The following RYR2 variants were observed in gnomAD, a reference collection of about 807,000 sequenced individuals.
RYR2 encodes cardiac muscle ryanodine receptor-calcium release channel.
A neutral mutation model predicts 601.1 loss-of-function variants in RYR2; 227 were observed. The observed-to-expected ratio is 0.38, with a 90% CI of 0.34 to 0.42. RYR2 has a LOEUF of 0.42. Ranked by LOEUF, RYR2 falls within the 10% of genes least tolerant of loss-of-function variation. The pLI is 1.00. For missense variants in RYR2, 4,646 were observed against 6,156.5 expected (o/e 0.75, Z 8.21); for synonymous variants, 2,223 against 2,175.1 (o/e 1.02, Z -0.61).
chr1:237,407,973 G>T (rs1305602759), intron 10 of RYR2, among the ~76,000 whole-genome samples: 6 of 152,030 alleles, frequency 3.9e-5, no homozygotes, highest in Non-Finnish European at 8.8e-5. Context: ...TCCTTTCCCA[G>T]ATATGCGATT....
intron 6 of RYR2, among the ~76,000 whole-genome samples, chr1:237,371,646 A>G (rs1700649081): frequency 6.6e-6 from 1 of 152,240 alleles, no homozygotes. Flanking sequence ...GCAGAAGACT[A>G]CGTATCAATA....
intron 98 of RYR2, among the ~76,000 whole-genome samples, chr1:237,803,577 A>G (rs12136903): frequency 0.046 from 7,003 of 152,046 alleles, 214 homozygotes; most frequent in Non-Finnish European, 0.063. Flanking sequence ...TGGGATTACA[A>G]GCGTGAGCCA....
At chr1:237,105,986 G>A (rs547577639) in intron 1 of RYR2, among the ~76,000 whole-genome samples, 21 of 152,222 alleles carry the variant, frequency 1.4e-4, no homozygotes, top group African/African-American at 4.3e-4. Flanking sequence ...CAGCACCAAC[G>A]TGGGAGTGTG....
chr1:237,618,364 C>T lies in RYR2; in HGVS notation c.5916+878C>T, dbSNP rs76380019. Among the ~76,000 whole-genome samples the T allele has an allele frequency of 9.1e-3, 1,391 of 152,146 alleles. 29 individuals are homozygous for T. The highest frequency in any genetic ancestry group is 0.062 in the East Asian group (318 of 5,166). On this transcript the variant is annotated intron_variant, in intron 38 of 104. Transcript: ENST00000366574. ...AAAGATGGAGTACATGTGCTTTTCC[C>T]GATTCTTCCTTTTAAGTACAACTAA...
At position 237,054,361 on chromosome 1, in the gene RYR2, A is replaced by T. The variant is rs576494642; in HGVS notation, c.48+11792A>T. Reference sequence around the variant, plus strand: ...CCCCTCCCTCCATCTGTCAGGAAAAATGGTAAAAGACTGTAAATTGGATTA... The same window carrying T: ...CCCCTCCCTCCATCTGTCAGGAAAATTGGTAAAAGACTGTAAATTGGATTA... On this transcript the variant is annotated intron_variant, in intron 1 of 104. Transcript: ENST00000366574. 2.5e-3 allele frequency among the ~76,000 whole-genome samples: 364 copies of T among 143,634 alleles called. 2 individuals carry two copies. The highest frequency in any genetic ancestry group is 9.1e-3 in the African/African-American group (354 of 38,904). The allele number at this position is 143,634 out of a possible 152,430, so 94.2% of individuals were successfully genotyped here.
In RYR2 at chr1:237,270,529, C is replaced by G. The variant is rs919652347; in HGVS notation, c.81C>G (p.Thr27=). ...DDEVVLQCTA[T]IHKEQQKLCL... is the part of the protein sequence containing the mutation. ...AAGTGGTTCTGCAGTGCACCGCAAC[C>G]ATCCACAAAGAACAACAGAAGCTAT... The change falls in exon 2 of 105, where the codon ACC becomes ACG. Residue 27 remains threonine, a synonymous_variant. Transcript: ENST00000366574. The G allele has an allele frequency of 6.9e-6, 11 of 1,594,752 alleles. No homozygotes were observed. The highest frequency in any genetic ancestry group is 6.8e-6 in the Non-Finnish European group (8 of 1,170,092).
chr1:237,492,843 GGA>G, intron 18 of RYR2, 109 bp from the exon 19 acceptor site: 2 of 1,070,198 alleles, frequency 1.9e-6, no homozygotes, highest in Non-Finnish European at 2.6e-6. Context: ...AAGGAAGGAA[GGA>G]AGGAAGGAAG....
At chr1:237,723,925 C>T (rs1442187502) in intron 74 of RYR2, among the ~76,000 whole-genome samples, 1 of 151,808 alleles carries the variant, frequency 6.6e-6, no homozygotes, top group Non-Finnish European at 1.5e-5. Flanking sequence ...ATGGGAGGGT[C>T]ATATTTTTAC....
At chr1:237,442,273 G>T (rs1707978733) in intron 13 of RYR2, among the ~76,000 whole-genome samples, 1 of 152,106 alleles carries the variant, frequency 6.6e-6, no homozygotes, top group Admixed American at 6.6e-5. Context: ...TTTGGTCATG[G>T]TTCTTCTACT....
intron 12 of RYR2, among the ~76,000 whole-genome samples, chr1:237,424,389 G>GA (rs1444958337): frequency 1.1e-3 from 171 of 152,080 alleles, no homozygotes; most frequent in African/African-American, 4.0e-3. Context: ...TCATTGAAAA[G>GA]AAAAAAACGT....
chr1:237,175,235 T>A (rs1677890389), intron 1 of RYR2, among the ~76,000 whole-genome samples: 1 of 152,220 alleles, frequency 6.6e-6, no homozygotes, highest in Admixed American at 6.5e-5. Flanking sequence ...AGTGTCCCCT[T>A]AGGGCACCTT....
At chr1:237,441,565 C>T (rs2150147947) in intron 13 of RYR2, 82 bp downstream of exon 13, 2 of 1,311,348 alleles carry the variant, frequency 1.5e-6, no homozygotes, top group South Asian at 2.0e-5. Flanking sequence ...ATTGGCTGAT[C>T]TTTTTAGTCA....
intron 22 of RYR2, among the ~76,000 whole-genome samples, chr1:237,505,768 A>G (rs1182139743): frequency 1.3e-5 from 2 of 152,218 alleles, no homozygotes; most frequent in East Asian, 1.9e-4. Flanking sequence ...TGCCCACTCT[A>G]TGTGTTGCGA....
chr1:237,792,995 T>A (rs1033107057), intron 94 of RYR2, among the ~76,000 whole-genome samples: 1 of 152,184 alleles, frequency 6.6e-6, no homozygotes, highest in Non-Finnish European at 1.5e-5. Context: ...ACAATATAAT[T>A]TGGTGAATAG....
chr1:237,825,525 T>C (rs1160583840), intron 101 of RYR2, among the ~76,000 whole-genome samples: 3 of 152,120 alleles, frequency 2.0e-5, no homozygotes. Context: ...CAAGATCGAT[T>C]AAAGACTTAA....
intron 60 of RYR2, among the ~76,000 whole-genome samples, chr1:237,676,098 G>A (rs1685372235): frequency 6.6e-6 from 1 of 152,056 alleles, no homozygotes; most frequent in Non-Finnish European, 1.5e-5. Flanking sequence ...TACACACAAA[G>A]CTAAATATTG....
intron 94 of RYR2, 59 bp downstream of exon 94, chr1:237,792,382 C>CAT (rs1658525773): frequency 4.5e-6 from 3 of 667,040 alleles, no homozygotes; most frequent in South Asian, 2.4e-5. Context: ...TGTGTGTGTG[C>CAT]GTGTGTGTGT....
chr1:237,267,640 C>A (rs1572414310), intron 1 of RYR2: 2 of 286,280 alleles, frequency 7.0e-6, no homozygotes, highest in Admixed American at 4.2e-5. Context: ...TCAAGTGTGG[C>A]TCATATTGAG....
intron 1 of RYR2, among the ~76,000 whole-genome samples, chr1:237,061,276 CATCTATCTATCT>C (rs55852744): frequency 0.052 from 5,093 of 97,982 alleles, 230 homozygotes; most frequent in Middle Eastern, 0.096. Flanking sequence ...ATCCATCTAT[CATCTATCTATCT>C]ATCTATCTAT....
Sources: gnomAD v4.1 joint callset for allele counts (sites outside exome capture counted in the v4.1 genomes callset) on GRCh38, gnomAD v4.1.1 for gene constraint, MANE v1.5 for transcripts, NCBI Gene and HGNC (gene_info 2026-07-23, HGNC 2026-07-21) for gene names.